The following RAB3GAP2 variants were observed in gnomAD, a reference collection of about 807,000 sequenced individuals.
The protein encoded by RAB3GAP2 is RAB3 GTPase activating non-catalytic protein subunit 2.
A neutral mutation model predicts 185.3 loss-of-function variants in RAB3GAP2; 87 were observed. The ratio of observed to expected loss-of-function variants is 0.47; its 90% confidence interval spans 0.39 to 0.56. RAB3GAP2 has a LOEUF of 0.56. Ranked by LOEUF, RAB3GAP2 falls within the 20% of genes least tolerant of loss-of-function variation. RAB3GAP2 has a pLI of 0.00. For missense variants in RAB3GAP2, 1,492 were observed against 1,638.2 expected, an observed-to-expected ratio of 0.91 and a Z score of 1.54; for synonymous variants, 554 against 576.1, an observed-to-expected ratio of 0.96 and a Z score of 0.55.
chr1:220,159,995 C>T (rs999951622), intron 28 of RAB3GAP2, among the ~76,000 whole-genome samples: 4 of 151,074 alleles, frequency 2.6e-5, no homozygotes, highest in Non-Finnish European at 5.9e-5. Flanking sequence ...CCAGCCCGGG[C>T]AACAGAGTGA....
At position 220,148,698 on chromosome 1, in the gene RAB3GAP2, TTA is replaced by T. The variant is rs886046008; in HGVS notation, c.*2551_*2552del. On this transcript the variant is annotated 3_prime_UTR_variant, in exon 35 of 35. Transcript: ENST00000358951. ...AAAAGCAATTTAAATGTAACAGTGT[TTA>T]CTTTGACCATAGATGAAGTTTTATA... 14 of 152,190 alleles carry T rather than the reference TTA, an allele frequency of 9.2e-5. No individual in the cohort carries two copies. The highest frequency in any genetic ancestry group is 6.5e-5 in the Admixed American group (1 of 15,286). 9.4% of individuals were successfully genotyped at this position (152,190 alleles called of 1,614,324 possible).
intron 24 of RAB3GAP2, among the ~76,000 whole-genome samples, chr1:220,170,265 G>C (rs1417646303): frequency 1.3e-5 from 2 of 152,142 alleles, no homozygotes; most frequent in Non-Finnish European, 2.9e-5. Flanking sequence ...CAGGGCCTGT[G>C]GGGGATTGCG....
chr1:220,172,813 G>T, intron 21 of RAB3GAP2, 71 bp from the exon 22 acceptor site: 1 of 962,106 alleles, frequency 1.0e-6, no homozygotes, highest in South Asian at 1.4e-5. Flanking sequence ...CACTTTCCTA[G>T]ACAGCAGATG....
intron 18 of RAB3GAP2, 91 bp downstream of exon 18, chr1:220,185,560 T>C (rs984459890): frequency 1.8e-5 from 16 of 884,160 alleles, no homozygotes; most frequent in Non-Finnish European, 3.0e-5. Context: ...TAAAGTAACA[T>C]GATGGTATCA....
intron 2 of RAB3GAP2, among the ~76,000 whole-genome samples, chr1:220,217,769 T>C (rs2102884250): frequency 6.6e-6 from 1 of 152,338 alleles, no homozygotes; most frequent in Non-Finnish European, 1.5e-5. Flanking sequence ...TCCTTAGTAA[T>C]GTTTTTTCTT....
At chr1:220,167,709 T>C in intron 24 of RAB3GAP2, 34 bp from the exon 25 acceptor site, 1 of 1,602,784 alleles carries the variant, frequency 6.2e-7, no homozygotes, top group Non-Finnish European at 8.5e-7. Flanking sequence ...AAATAAAAAT[T>C]TACAACACAC....
At chr1:220,156,216 G>A (rs1657854308) in intron 31 of RAB3GAP2, among the ~76,000 whole-genome samples, 1 of 152,136 alleles carries the variant, frequency 6.6e-6, no homozygotes, top group South Asian at 2.1e-4. Flanking sequence ...TTCCCAAAGT[G>A]CTGGGATTAC....
At chr1:220,229,350 A>G (rs1659457895) in intron 2 of RAB3GAP2, among the ~76,000 whole-genome samples, 1 of 152,260 alleles carries the variant, frequency 6.6e-6, no homozygotes, top group Non-Finnish European at 1.5e-5. Context: ...ACCAGAAATC[A>G]GATAATGTGG....
chr1:220,190,305 G>T, intron 15 of RAB3GAP2, 72 bp downstream of exon 15: 10 of 1,594,634 alleles, frequency 6.3e-6, no homozygotes, highest in Non-Finnish European at 8.6e-6. Context: ...CTACAAAAGA[G>T]AGTACAACAA....
At chr1:220,271,623 C>T (rs888834084) in intron 1 of RAB3GAP2, among the ~76,000 whole-genome samples, 1 of 152,206 alleles carries the variant, frequency 6.6e-6, no homozygotes, top group Admixed American at 6.5e-5. Flanking sequence ...TTGAGAGAGT[C>T]TTACCTCAAG....
rs1299922282 is a variant in RAB3GAP2, at chr1:220,182,907, C to T, written c.2023G>A (p.Asp675Asn). The T allele has an allele frequency of 1.2e-6, 2 of 1,612,990 alleles. No homozygotes were observed. The highest frequency in any genetic ancestry group is 2.2e-5 in the South Asian group (2 of 91,044). Residue 675 changes from aspartate (D) to asparagine (N), a missense_variant, in exon 20 of 35, where the codon GAT (aspartate) becomes AAT (asparagine). Physicochemically the swap from Asp to Asn is conservative, Grantham distance 23 (BLOSUM62 1). Coordinates refer to ENST00000358951, the MANE Select transcript of RAB3GAP2 (RefSeq NM_012414.4). ...TGGAGCTTAAGCAGTTCTTTTTCAT[C>T]AAGCCTTAGTAACAGAGCCAAGTCC... ...DNDLALLLRL[D>N]EKELLKLQAL...
chr1:220,249,642 C>A (rs1659894725), intron 1 of RAB3GAP2, among the ~76,000 whole-genome samples: 1 of 152,166 alleles, frequency 6.6e-6, no homozygotes, highest in South Asian at 2.1e-4. Context: ...CAGTGCATGT[C>A]AGAGATCTTC....
intron 21 of RAB3GAP2, among the ~76,000 whole-genome samples, chr1:220,178,138 G>A (rs1279676956): frequency 3.9e-5 from 6 of 152,168 alleles, no homozygotes; most frequent in Non-Finnish European, 8.8e-5. Context: ...GAGTGGGGCA[G>A]TATGTTCAGA....
intron 2 of RAB3GAP2, among the ~76,000 whole-genome samples, chr1:220,217,173 C>T (rs1659216066): frequency 1.3e-5 from 2 of 152,004 alleles, no homozygotes; most frequent in African/African-American, 4.8e-5. Flanking sequence ...ACTCTATCAC[C>T]CTGCTCATCT....
At chr1:220,220,293 G>C (rs1302075895) in intron 2 of RAB3GAP2, 1 of 152,290 alleles carries the variant, frequency 6.6e-6, no homozygotes, top group Admixed American at 6.5e-5. Flanking sequence ...CCACTGTGAA[G>C]TGGGTGTTCA....
intron 21 of RAB3GAP2, among the ~76,000 whole-genome samples, chr1:220,181,982 G>A (rs888415741): frequency 3.3e-5 from 5 of 151,574 alleles, no homozygotes; most frequent in Admixed American, 6.6e-5. Context: ...CACAGTGAGC[G>A]ATGATCACAC....
chr1:220,172,778 A>G, intron 21 of RAB3GAP2, 36 bp from the exon 22 acceptor site: 1 of 1,423,134 alleles, frequency 7.0e-7, no homozygotes, highest in South Asian at 1.2e-5. Context: ...AGTCTAAAAA[A>G]AAATTTAGCA....
intron 3 of RAB3GAP2, 118 bp downstream of exon 3, chr1:220,213,738 G>GA: frequency 6.1e-6 from 6 of 982,884 alleles, no homozygotes; most frequent in Non-Finnish European, 7.2e-6. Flanking sequence ...GAGTTGGGGG[G>GA]GGGGGGAGAG....
chr1:220,259,271 C>A (rs1364310728), intron 1 of RAB3GAP2, among the ~76,000 whole-genome samples: 1 of 151,988 alleles, frequency 6.6e-6, no homozygotes, highest in Non-Finnish European at 1.5e-5. Flanking sequence ...GCCCAAATAG[C>A]CAAGACAATT....
Sources: allele counts gnomAD v4.1 joint callset (sites outside exome capture counted in the v4.1 genomes callset), GRCh38; gene constraint gnomAD v4.1.1; transcripts MANE v1.5; gene names NCBI Gene and HGNC (gene_info 2026-07-23, HGNC 2026-07-21).